Variants in CAPN2 observed in about 807,000 individuals in gnomAD.
CAPN2 encodes the protein calpain-2 catalytic subunit.
A neutral mutation model predicts 102.3 loss-of-function variants in CAPN2; 92 were observed. The observed-to-expected ratio is 0.90, with a 90% CI of 0.76 to 1.07. The LOEUF (loss-of-function observed/expected upper bound fraction) is 1.07, where lower values mean the gene tolerates loss of function less well. Ranked by LOEUF, CAPN2 falls within the 50% of genes least tolerant of loss-of-function variation. CAPN2 has a pLI of 0.00. For synonymous variants in CAPN2, 340 were observed against 355.4 expected, an observed-to-expected ratio of 0.96 and a Z score of 0.49; for missense variants, 800 against 909.4, an observed-to-expected ratio of 0.88 and a Z score of 1.55.
At position 223,746,906 on chromosome 1, in the gene CAPN2, C is replaced by G. The variant is rs1660763446; in HGVS notation, c.561-91C>G. On this transcript the variant is annotated intron_variant, in intron 4 of 20. Transcript: ENST00000295006. ...TGTGAGCAGGGGGTCCCTGGAGCATCAAATCTAGACGGTACTAGGGGGTGG... is the reference window on the plus strand; with the variant it reads ...TGTGAGCAGGGGGTCCCTGGAGCATGAAATCTAGACGGTACTAGGGGGTGG... 4.3e-6 allele frequency: 5 copies of G among 1,149,798 alleles called. No individual in the cohort carries two copies. The South Asian group carries it at 9.0e-5, about 21-fold the overall frequency. 71.2% of individuals were successfully genotyped at this position (1,149,798 alleles called of 1,614,324 possible).
chr1:223,742,520 T>TA (rs1660649551), intron 2 of CAPN2, among the ~76,000 whole-genome samples: 5 of 49,262 alleles, frequency 1.0e-4, no homozygotes, highest in East Asian at 8.5e-4. Flanking sequence ...ATATATATAT[T>TA]TTTTTTTTTT....
intron 2 of CAPN2, among the ~76,000 whole-genome samples, chr1:223,741,415 T>C (rs1660606351): frequency 8.4e-6 from 1 of 118,702 alleles, no homozygotes; most frequent in Non-Finnish European, 1.6e-5. Flanking sequence ...TCTTTGGCTG[T>C]AAAATGTATA....
chr1:223,769,795 T>C lies in CAPN2; in HGVS notation c.1756-46T>C, dbSNP rs142602646. 9,510 of 1,439,114 alleles carry C rather than the reference T, an allele frequency of 6.6e-3. 50 individuals are homozygous for C. The highest frequency in any genetic ancestry group is 0.02 in the Middle Eastern group (113 of 5,754). The allele number at this position is 1,439,114 out of a possible 1,614,324, so 89.1% of individuals were successfully genotyped here. On this transcript the variant is annotated intron_variant, in intron 16 of 20. Coordinates refer to ENST00000295006, the MANE Select transcript of CAPN2 (RefSeq NM_001748.5). Reference sequence around the variant, plus strand: ...TGAGAAGACAAACTAGGTGACACTATGTGCAAATGGACCCACACTCAAGGG... The same window carrying C: ...TGAGAAGACAAACTAGGTGACACTACGTGCAAATGGACCCACACTCAAGGG...
Position 223,750,913 on chromosome 1 carries a change from G to C in CAPN2, c.837G>C (p.Gln279His), listed in dbSNP as rs1235080129. ...AGGTTGAAAGTAACGGAAGCCTACA[G>C]AAACTGATCCGCATCCGAAATCCCT... Reference protein sequence around the residue: ...AEEVESNGSLQKLIRIRNPWG... With the variant: ...AEEVESNGSLHKLIRIRNPWG... The change falls in exon 7 of 21, where the codon CAG (glutamine) becomes CAC (histidine). Residue 279 changes from glutamine to histidine, a missense_variant. Physicochemically the swap from Gln to His is conservative, Grantham distance 24. Coordinates refer to ENST00000295006, the MANE Select transcript of CAPN2 (RefSeq NM_001748.5). The C allele has an allele frequency of 1.3e-6, 2 of 1,552,440 alleles. No individual in the cohort carries two copies. Among genetic ancestry groups the C allele is most frequent in the Admixed American group, 3.9e-5 (2 of 51,052 alleles).
chr1:223,774,811 C>CTT, intron 20 of CAPN2, 23 bp from the exon 21 acceptor site: 5 of 1,485,414 alleles, frequency 3.4e-6, no homozygotes, highest in South Asian at 1.2e-5. Flanking sequence ...ACTGAGCTGA[C>CTT]TTTTTTTTTT....
At position 223,757,308 on chromosome 1, in the gene CAPN2, A is replaced by C. The variant is rs1571811938; in HGVS notation, c.1306-61A>C. On this transcript the variant is annotated intron_variant, in intron 10 of 20. Transcript: ENST00000295006. Reference sequence around the variant, plus strand: ...CGGGGGCAGCGGAAGAGAAGAGCACAGTGATGCATTTTCTTACACTGCTTT... The same window carrying C: ...CGGGGGCAGCGGAAGAGAAGAGCACCGTGATGCATTTTCTTACACTGCTTT... 14 of 1,582,864 alleles carry C rather than the reference A, an allele frequency of 8.8e-6. No individual in the cohort carries two copies. In the East Asian group the frequency reaches 3.1e-4, roughly 35 times the overall value.
chr1:223,706,827 C>G (rs1210186344), intron 1 of CAPN2, among the ~76,000 whole-genome samples: 2 of 152,186 alleles, frequency 1.3e-5, no homozygotes, highest in Non-Finnish European at 2.9e-5. Context: ...CATCTGTAAT[C>G]TCAGCGCTTT....
intron 1 of CAPN2, among the ~76,000 whole-genome samples, chr1:223,716,288 C>T (rs942213796): frequency 4.6e-5 from 7 of 152,204 alleles, no homozygotes; most frequent in African/African-American, 1.4e-4. Flanking sequence ...TGGAAAAACC[C>T]TGCTGGAGTA....
chr1:223,708,701 G>A (rs1659665459), upstream of CAPN2, among the ~76,000 whole-genome samples: 1 of 151,954 alleles, frequency 6.6e-6, no homozygotes, highest in Non-Finnish European at 1.5e-5. Flanking sequence ...CACCCGGGAG[G>A]CGAAGGTTGC....
In CAPN2 at chr1:223,725,163, A is replaced by C. The variant is rs2102780781; in HGVS notation, c.307+7332A>C. Among the ~76,000 whole-genome samples, 1 of 152,264 alleles carries C rather than the reference A, an allele frequency of 6.6e-6. No individual in the cohort carries two copies. The highest frequency in any genetic ancestry group is 2.1e-4 in the South Asian group (1 of 4,822). ...TGAAATGAAGATAATAATAGTGCCT[A>C]CTATCAAGACCATCCTGGCTAACAC... On this transcript the variant is annotated intron_variant, in intron 2 of 20. Transcript: ENST00000295006. This position sits in a 1 kb window ranked among gnomAD's most constrained non-coding sequence, Gnocchi z 4.1.
Position 223,726,959 on chromosome 1 carries a change from C to G in CAPN2, c.307+9128C>G, listed in dbSNP as rs28370035. Reference sequence around the variant, plus strand: ...TTCCTCTAGAGAAGCCCCTCCCTGCCAGTTTCAGAGGGATGGCCCTGAATT... The same window carrying G: ...TTCCTCTAGAGAAGCCCCTCCCTGCGAGTTTCAGAGGGATGGCCCTGAATT... On this transcript the variant is annotated intron_variant, in intron 2 of 20. Transcript: ENST00000295006. This position sits in a 1 kb window ranked among gnomAD's most constrained non-coding sequence, Gnocchi z 4.4. Among the ~76,000 whole-genome samples the G allele has an allele frequency of 0.022, 3,362 of 152,216 alleles. 139 individuals carry two copies. Among genetic ancestry groups the G allele is most frequent in the African/African-American group, 0.076 (3,149 of 41,538 alleles).
intron 14 of CAPN2, among the ~76,000 whole-genome samples, chr1:223,763,048 C>A (rs967680484): frequency 6.6e-6 from 1 of 151,840 alleles, no homozygotes; most frequent in African/African-American, 2.4e-5. Context: ...GTCTTAAACC[C>A]CTGAGCTCAA....
chr1:223,749,647 A>G (rs535438118), intron 6 of CAPN2, among the ~76,000 whole-genome samples: 56 of 152,222 alleles, frequency 3.7e-4, no homozygotes, highest in Non-Finnish European at 7.9e-4. Context: ...TAATATATGT[A>G]AAGTGCTCAG....
At chr1:223,730,926 G>A (rs910430881) in intron 2 of CAPN2, among the ~76,000 whole-genome samples, 6 of 152,216 alleles carry the variant, frequency 3.9e-5, no homozygotes, top group Non-Finnish European at 8.8e-5. Context: ...TGTAAGTTAA[G>A]GAGCATGTAT....
At position 223,725,630 on chromosome 1, in the gene CAPN2, C is replaced by T. The variant is rs148700112; in HGVS notation, c.307+7799C>T. On this transcript the variant is annotated intron_variant, in intron 2 of 20. Transcript: ENST00000295006. This position sits in a 1 kb window ranked among gnomAD's most constrained non-coding sequence, Gnocchi z 4.1. The stretch of plus-strand genomic sequence containing the variant: ...TCCCAGCTTTAGCACTTGACATTGG[C>T]GGCCACCTAAGTTTTGGAGAGGGGT... 1.1e-3 allele frequency among the ~76,000 whole-genome samples: 172 copies of T among 152,194 alleles called. No individual in the cohort carries two copies. The highest frequency in any genetic ancestry group is 3.8e-3 in the African/African-American group (156 of 41,510).
chr1:223,738,787 G>A (rs887770654), intron 2 of CAPN2, among the ~76,000 whole-genome samples: 2 of 152,276 alleles, frequency 1.3e-5, no homozygotes, highest in African/African-American at 4.8e-5. Flanking sequence ...GTCTGGAGCT[G>A]TGAGTTGGGG....
chr1:223,757,302 G>A, intron 10 of CAPN2, 67 bp from the exon 11 acceptor site: 4 of 1,555,026 alleles, frequency 2.6e-6, no homozygotes, highest in Non-Finnish European at 3.6e-6. Context: ...CGGAAGAGAA[G>A]AGCACAGTGA....
At chr1:223,757,549 C>G (rs1308392899) in intron 11 of CAPN2, 169 bp downstream of exon 11, 31 of 677,102 alleles carry the variant, frequency 4.6e-5, no homozygotes, top group East Asian at 2.6e-4. Context: ...CTAGATCCCA[C>G]TGGTCTAAGC....
intron 6 of CAPN2, among the ~76,000 whole-genome samples, chr1:223,749,973 G>A (rs1388982718): frequency 6.6e-6 from 1 of 152,098 alleles, no homozygotes; most frequent in Non-Finnish European, 1.5e-5. Flanking sequence ...TCATGCCATT[G>A]CACCCCAGCC....
Sources: allele counts gnomAD v4.1 joint callset (sites outside exome capture counted in the v4.1 genomes callset), GRCh38; gene constraint gnomAD v4.1.1; non-coding constraint Gnocchi (gnomAD v3.1); transcripts MANE v1.5; gene names NCBI Gene and HGNC (gene_info 2026-07-23, HGNC 2026-07-21).